TEX9: variants seen among roughly 807,000 people sequenced by gnomAD.
TEX9 encodes testis-expressed protein 9.
A neutral mutation model predicts 59.6 loss-of-function variants in TEX9; 74 were observed. The ratio of observed to expected loss-of-function variants is 1.24; its 90% CI spans 1.03 to 1.51. TEX9 has a LOEUF of 1.51. TEX9 is among the 40% of genes most tolerant of loss of function. The probability of loss-of-function intolerance (pLI) is 0.00; values close to 1 mark genes in which losing one functional copy is unlikely to be tolerated. For synonymous variants in TEX9, 186 were observed against 152.2 expected (o/e 1.22, Z -1.64); for missense variants, 522 against 447.8 (o/e 1.17, Z -1.49).
At chr15:56,385,966 T>C (rs1168685289) in intron 4 of TEX9, among the ~76,000 whole-genome samples, 1 of 152,074 alleles carries the variant, frequency 6.6e-6, no homozygotes, top group African/African-American at 2.4e-5. Context: ...AAGAGAAATA[T>C]AGACATATAT....
chr15:56,431,454 T>C (rs1596250195), intron 12 of TEX9: 1 of 1,613,690 alleles, frequency 6.2e-7, no homozygotes, highest in Non-Finnish European at 8.5e-7. Context: ...CATTAATAAA[T>C]CCTTGCCGCC....
intron 2 of TEX9, among the ~76,000 whole-genome samples, chr15:56,371,146 G>A (rs1300609623): frequency 2.6e-5 from 4 of 152,138 alleles, no homozygotes; most frequent in African/African-American, 9.7e-5. Context: ...CTGCACCCAG[G>A]CCTCTCTGGG....
At chr15:56,358,229 A>G (rs1011384729) in intron 1 of TEX9, among the ~76,000 whole-genome samples, 2 of 152,160 alleles carry the variant, frequency 1.3e-5, no homozygotes, top group Non-Finnish European at 2.9e-5. Context: ...TTAAATGCCT[A>G]CTATCAGAAG....
chr15:56,439,645 A>G (rs2050785258), intron 12 of TEX9, among the ~76,000 whole-genome samples: 3 of 152,076 alleles, frequency 2.0e-5, no homozygotes, highest in Non-Finnish European at 4.4e-5. Context: ...AATGGTGTGG[A>G]ACAACTGAAC....
chr15:56,428,302 C>T (rs979489008), intron 11 of TEX9, 65 bp from the exon 12 acceptor site: 9 of 1,186,568 alleles, frequency 7.6e-6, no homozygotes, highest in Middle Eastern at 2.0e-4. Context: ...TTTTTACAAA[C>T]TTCCTGTTGT....
chr15:56,390,531 G>C (rs2048158527), intron 6 of TEX9, among the ~76,000 whole-genome samples: 1 of 151,952 alleles, frequency 6.6e-6, no homozygotes, highest in South Asian at 2.1e-4. Flanking sequence ...TTTTAAAAGT[G>C]AACTTGGCTT....
intron 12 of TEX9, among the ~76,000 whole-genome samples, chr15:56,439,137 C>T (rs530812789): frequency 1.9e-4 from 29 of 152,186 alleles, no homozygotes; most frequent in African/African-American, 5.5e-4. Context: ...TCACTAGCAA[C>T]GAGTACACGG....
chr15:56,337,531 A>G (rs1313709370), intron 1 of TEX9, among the ~76,000 whole-genome samples: 1 of 152,208 alleles, frequency 6.6e-6, no homozygotes, highest in Non-Finnish European at 1.5e-5. Flanking sequence ...GTGGTTAAAT[A>G]TTAGCCTTTT....
intron 1 of TEX9, among the ~76,000 whole-genome samples, chr15:56,286,287 A>G (rs2044951486): frequency 6.6e-6 from 1 of 152,198 alleles, no homozygotes; most frequent in Non-Finnish European, 1.5e-5. Flanking sequence ...CATAAATGGC[A>G]TGTTTCAAAA....
At chr15:56,274,115 T>C (rs1343218335) in intron 1 of TEX9, among the ~76,000 whole-genome samples, 2 of 152,184 alleles carry the variant, frequency 1.3e-5, no homozygotes, top group Non-Finnish European at 2.9e-5. Flanking sequence ...CCATTCTACA[T>C]AGGGTAGACC....
At chr15:56,340,075 G>A (rs376047336) in intron 1 of TEX9, among the ~76,000 whole-genome samples, 1 of 152,070 alleles carries the variant, frequency 6.6e-6, no homozygotes, top group East Asian at 1.9e-4. Flanking sequence ...TATCATTGAC[G>A]TCTTCAAGTA....
chr15:56,440,632 A>C (rs1334936540), intron 12 of TEX9, among the ~76,000 whole-genome samples: 1 of 152,136 alleles, frequency 6.6e-6, no homozygotes, highest in African/African-American at 2.4e-5. Flanking sequence ...GTTACTCAGC[A>C]AAAAAAGGGA....
chr15:56,443,224 A>G (rs527387149), intron 12 of TEX9, among the ~76,000 whole-genome samples: 1 of 152,278 alleles, frequency 6.6e-6, no homozygotes, highest in South Asian at 2.1e-4. Flanking sequence ...TAGTTGCATC[A>G]TGCTTTTTAT....
intron 9 of TEX9, among the ~76,000 whole-genome samples, chr15:56,405,225 C>T (rs1397440457): frequency 2.0e-5 from 3 of 149,994 alleles, no homozygotes; most frequent in Admixed American, 6.7e-5. Context: ...AATGGCGTGG[C>T]GTGAAACCGG....
At chr15:56,347,559 AAC>A (rs1186244926) in intron 1 of TEX9, among the ~76,000 whole-genome samples, 1 of 152,086 alleles carries the variant, frequency 6.6e-6, no homozygotes, top group Non-Finnish European at 1.5e-5. Context: ...AAACTAACAA[AAC>A]ACAAAACAAA....
At chr15:56,426,632 C>CAT (rs2050287909) in intron 10 of TEX9, among the ~76,000 whole-genome samples, 1 of 66,538 alleles carries the variant, frequency 1.5e-5, no homozygotes, top group African/African-American at 3.7e-5. Flanking sequence ...TATATACACA[C>CAT]ACACAAACAC....
At chr15:56,336,785 G>C (rs1251577908) in intron 1 of TEX9, among the ~76,000 whole-genome samples, 18 of 152,164 alleles carry the variant, frequency 1.2e-4, no homozygotes, top group Non-Finnish European at 1.0e-4. Flanking sequence ...ATTAGGGCAA[G>C]GGAATTGGGC....
chr15:56,376,611 T>C (rs1406924370), intron 3 of TEX9, among the ~76,000 whole-genome samples: 1 of 152,156 alleles, frequency 6.6e-6, no homozygotes, highest in Non-Finnish European at 1.5e-5. Context: ...TATTAGATTA[T>C]TAGATTTTTT....
At chr15:56,245,705 C>T (rs2043836608) in intron 1 of TEX9, among the ~76,000 whole-genome samples, 1 of 152,122 alleles carries the variant, frequency 6.6e-6, no homozygotes, top group African/African-American at 2.4e-5. Context: ...TATTAGTCTC[C>T]CTCTGTTACA....
Sources: allele counts gnomAD v4.1 joint callset (sites outside exome capture counted in the v4.1 genomes callset), GRCh38; gene constraint gnomAD v4.1.1; transcripts MANE v1.5; gene names NCBI Gene and HGNC (gene_info 2026-07-23, HGNC 2026-07-21).